Variants in PTPRD observed in about 807,000 individuals in gnomAD.
PTPRD encodes protein tyrosine phosphatase receptor type D, also known as receptor-type tyrosine-protein phosphatase delta.
In PTPRD, 34 loss-of-function variants were observed where a neutral mutation model predicts 214.5. The observed-to-expected ratio is 0.16, with a 90% confidence interval of 0.12 to 0.21. The LOEUF is 0.21. PTPRD is among the 10% of genes least tolerant of loss of function. The pLI, the probability that PTPRD is intolerant of heterozygous loss-of-function variation, is 1.00. For synonymous variants in PTPRD, 1,128 were observed against 845.7 expected (o/e 1.33, Z -5.79); for missense variants, 2,545 against 2,398.7 (o/e 1.06, Z -1.27).
intron 11 of PTPRD, among the ~76,000 whole-genome samples, chr9:8,941,486 A>T (rs540055344): frequency 6.6e-6 from 1 of 152,256 alleles, no homozygotes; most frequent in South Asian, 2.1e-4. Flanking sequence ...GGCTCCACTA[A>T]TCCTAGCTGT....
At chr9:9,831,777 C>G (rs965894131) in intron 5 of PTPRD, among the ~76,000 whole-genome samples, 1 of 151,938 alleles carries the variant, frequency 6.6e-6, no homozygotes, top group Non-Finnish European at 1.5e-5. Context: ...TCTTTGGCTT[C>G]TAATGTTATT....
intron 9 of PTPRD, among the ~76,000 whole-genome samples, chr9:9,305,466 G>C (rs1956838889): frequency 6.6e-6 from 1 of 152,040 alleles, no homozygotes; most frequent in African/African-American, 2.4e-5. Flanking sequence ...CAGAGATTCA[G>C]TTTAGTGTGG....
chr9:8,751,913 T>C (rs1442965080), intron 11 of PTPRD, among the ~76,000 whole-genome samples: 2 of 152,138 alleles, frequency 1.3e-5, no homozygotes, highest in African/African-American at 4.8e-5. Flanking sequence ...AGTAGAAAAG[T>C]CTATTCCCTT....
At chr9:8,965,897 T>A (rs1416279409) in intron 11 of PTPRD, among the ~76,000 whole-genome samples, 3 of 152,124 alleles carry the variant, frequency 2.0e-5, no homozygotes, top group Non-Finnish European at 4.4e-5. Context: ...CCCTAAGGAC[T>A]CTGACAAAAG....
chr9:8,629,135 A>G (rs1311395864), intron 14 of PTPRD, among the ~76,000 whole-genome samples: 1 of 151,812 alleles, frequency 6.6e-6, no homozygotes, highest in African/African-American at 2.4e-5. Context: ...TTCTAAGTTC[A>G]AGAAACATGA....
At chr9:10,036,609 G>A (rs138637971) in intron 3 of PTPRD, among the ~76,000 whole-genome samples, 3 of 150,814 alleles carry the variant, frequency 2.0e-5, no homozygotes, top group Non-Finnish European at 2.9e-5. Context: ...TTTTTGAAAC[G>A]GAGCCTGGTT....
At chr9:9,668,973 G>A (rs2096775218) in intron 7 of PTPRD, among the ~76,000 whole-genome samples, 1 of 151,582 alleles carries the variant, frequency 6.6e-6, no homozygotes, top group Non-Finnish European at 1.5e-5. Flanking sequence ...TACTGTAGTG[G>A]GAAAAAAAAG....
intron 8 of PTPRD, among the ~76,000 whole-genome samples, chr9:9,460,112 T>C (rs894207975): frequency 2.0e-5 from 3 of 151,988 alleles, no homozygotes; most frequent in African/African-American, 7.2e-5. Flanking sequence ...TCTTATTCAA[T>C]AAATGGTGCT....
rs185211554 is a variant in PTPRD at position 9,383,309 on chromosome 9, T to C, written c.-203+14140A>G. 2.1e-3 allele frequency among the ~76,000 whole-genome samples: 314 copies of C among 152,250 alleles called. 3 individuals carry two copies. Among genetic ancestry groups the C allele is most frequent in the Non-Finnish European group, 1.6e-3 (111 of 67,990 alleles). ...ATACCTGCTTTAAACATATTAAACA[T>C]TTAATAAATATTTAAAATTTTATTT... On this transcript the variant is annotated intron_variant, in intron 9 of 45. Coordinates refer to ENST00000381196, the MANE Select transcript of PTPRD (RefSeq NM_002839.4).
chr9:9,708,454 A>G (rs951452429), intron 7 of PTPRD, among the ~76,000 whole-genome samples: 11 of 152,056 alleles, frequency 7.2e-5, no homozygotes, highest in African/African-American at 2.7e-4. Flanking sequence ...TTCTGACTGG[A>G]TTCACATTAC....
intron 34 of PTPRD, chr9:8,437,127 G>A (rs1419098139): frequency 9.5e-7 from 1 of 1,053,530 alleles, no homozygotes; most frequent in Non-Finnish European, 1.4e-6. Flanking sequence ...ACTGAGAAAG[G>A]CCTAAAAGGG....
chr9:9,781,078 A>G (rs952104260), intron 5 of PTPRD, among the ~76,000 whole-genome samples: 1 of 152,194 alleles, frequency 6.6e-6, no homozygotes, highest in Non-Finnish European at 1.5e-5. Context: ...TTTTCAGGGC[A>G]GTGAAACTAT....
At chr9:9,580,684 G>C (rs2090518998) in intron 7 of PTPRD, among the ~76,000 whole-genome samples, 1 of 151,530 alleles carries the variant, frequency 6.6e-6, no homozygotes, top group South Asian at 2.1e-4. Context: ...GAATAGCTGG[G>C]ATTACAGGAG....
chr9:8,945,304 G>C (rs2099057034), intron 11 of PTPRD, among the ~76,000 whole-genome samples: 2 of 150,600 alleles, frequency 1.3e-5, no homozygotes, highest in African/African-American at 4.9e-5. Context: ...TCTTTATTTA[G>C]AATAAAATAT....
At position 8,486,018 on chromosome 9, in the gene PTPRD, G is replaced by C. The variant is rs2135939073; in HGVS notation, c.2799C>G (p.Thr933=). ...QNLHSEGTTS[T]SVQLSWQPPV... ...GTGGTTGCCAAGATAACTGGACGGA[G>C]GTTGAAGTGGTGCCTTCTGAGTGAA... Residue 933 remains threonine (T), a synonymous_variant, in exon 28 of 46, where the codon ACC becomes ACG. Transcript: ENST00000381196. 1.2e-6 allele frequency: 2 copies of C among 1,614,176 alleles called. No individual in the cohort carries two copies. Among genetic ancestry groups the C allele is most frequent in the Non-Finnish European group, 1.7e-6 (2 of 1,180,024 alleles).
At chr9:8,911,859 AACAG>A (rs755697204) in intron 11 of PTPRD, among the ~76,000 whole-genome samples, 7 of 152,304 alleles carry the variant, frequency 4.6e-5, no homozygotes, top group African/African-American at 1.7e-4. Flanking sequence ...AAAAGGCTTG[AACAG>A]ACATTTTATC....
intron 5 of PTPRD, among the ~76,000 whole-genome samples, chr9:9,814,186 A>T (rs1288920259): frequency 7.2e-5 from 11 of 152,146 alleles, no homozygotes; most frequent in South Asian, 6.2e-4. Flanking sequence ...AAAAGTAAAC[A>T]TTAGACTCAA....
rs138152777 is a variant in PTPRD, at chr9:8,979,821, A to G, written c.-104+38876T>C. ...TGGTACAGCCATTATGGAAAAAAGT[A>G]TGAACCTTCCTAAACAAATTACAGC... On this transcript the variant is annotated intron_variant, in intron 11 of 45. Coordinates refer to ENST00000381196, the MANE Select transcript of PTPRD (RefSeq NM_002839.4). Among the ~76,000 whole-genome samples the G allele has an allele frequency of 2.1e-4, 32 of 152,212 alleles. No individual in the cohort carries two copies. The East Asian group carries it at 5.8e-3, about 28-fold the overall frequency.
intron 9 of PTPRD, among the ~76,000 whole-genome samples, chr9:9,237,185 G>A (rs1464326252): frequency 1.3e-5 from 2 of 152,138 alleles, no homozygotes; most frequent in African/African-American, 2.4e-5. Context: ...TGATAGGAAG[G>A]AGCAAACAAA....
Sources: gnomAD v4.1 joint callset for allele counts (sites outside exome capture counted in the v4.1 genomes callset) on GRCh38, gnomAD v4.1.1 for gene constraint, MANE v1.5 for transcripts, NCBI Gene and HGNC (gene_info 2026-07-23, HGNC 2026-07-21) for gene names.